The following KIFC2 variants were observed in gnomAD, a reference collection of about 807,000 sequenced individuals.
KIFC2 encodes the protein kinesin family member C2.
Under a neutral mutation model 91.5 loss-of-function variants are expected in KIFC2, and 94 were observed. The observed-to-expected ratio is 1.03, with a 90% CI of 0.87 to 1.22. The LOEUF (loss-of-function observed/expected upper bound fraction) is 1.22. Among genes scored for constraint, KIFC2 ranks in the 50% most tolerant of loss-of-function variants. KIFC2 has a pLI of 0.00. For missense variants in KIFC2, 1,357 were observed against 1,103.3 expected (o/e 1.23, Z -3.26); for synonymous variants, 729 against 503.9 (o/e 1.45, Z -5.98).
At chr8:144,471,310 T>A (rs1022539162) in intron 12 of KIFC2, among the ~76,000 whole-genome samples, 1 of 146,274 alleles carries the variant, frequency 6.8e-6, no homozygotes, top group Non-Finnish European at 1.5e-5. Flanking sequence ...TACATATATA[T>A]GTATATGTAT....
At chr8:144,470,317 T>C (rs372804912) in intron 12 of KIFC2, among the ~76,000 whole-genome samples, 3 of 152,226 alleles carry the variant, frequency 2.0e-5, no homozygotes, top group African/African-American at 7.2e-5. Flanking sequence ...CCTCTGGCCT[T>C]AGCCCCACCC....
rs1465067836 is a variant in KIFC2 at position 144,468,649 on chromosome 8, AG to A, written c.1003+1del. ...ELQQMHGQLAGLRARMASLRQ... is the reference protein window; with the variant it reads ...ELQQMHGQLAXLRARMASLRQ... ...TACAGCAGATGCATGGGCAGCTGGC[AG>A]GTAAGGGTTGGGGTTGGGGCTCATG... On this transcript the variant is annotated frameshift_variant and splice_region_variant, in exon 9 of 18. Transcript: ENST00000645548. LOFTEE classifies it high-confidence loss of function. The A allele has an allele frequency of 6.2e-7, 1 of 1,613,350 alleles. No homozygotes were observed. The highest frequency in any genetic ancestry group is 2.2e-5 in the East Asian group (1 of 44,852).
intron 12 of KIFC2, chr8:144,470,816 C>T (rs531693748): frequency 6.6e-6 from 1 of 152,280 alleles, no homozygotes; most frequent in Non-Finnish European, 1.5e-5. Flanking sequence ...GTGGCCGGCC[C>T]TCTAGGTGCA....
intron 3 of KIFC2, 38 bp from the exon 4 acceptor site, chr8:144,467,165 C>T (rs369226997): frequency 1.2e-4 from 198 of 1,612,864 alleles, no homozygotes; most frequent in Non-Finnish European, 1.6e-4. Flanking sequence ...GCCTTCCTGG[C>T]TTTCACAGCC....
intron 7 of KIFC2, 165 bp downstream of exon 7, chr8:144,468,152 C>T (rs1342587066): frequency 5.5e-6 from 6 of 1,087,638 alleles, no homozygotes; most frequent in Middle Eastern, 2.6e-4. Flanking sequence ...CTCCGTGGCC[C>T]CTCTGAGTGG....
chr8:144,468,789 C>G lies in KIFC2; in HGVS notation c.1068C>G (p.Thr356=), dbSNP rs140291243. 1.4e-3 allele frequency: 2,279 copies of G among 1,614,040 alleles called. 28 individuals are homozygous for G. The highest frequency in any genetic ancestry group is 2.4e-4 in the Non-Finnish European group (284 of 1,180,022). Residue 356 remains threonine (T), a synonymous_variant, in exon 10 of 18, where the codon ACC becomes ACG. Coordinates refer to ENST00000645548, the MANE Select transcript of KIFC2 (RefSeq NM_001369769.2). The part of the protein sequence containing the change: ...GCGDLRGLVS[T]FTQSCQGSLS... ...GGGACCTCCGAGGTTTGGTCAGCAC[C>G]TTTACCCAGAGCTGTCAGGGTTCGC...
chr8:144,472,141 C>T lies in KIFC2; in HGVS notation c.1489C>T (p.Pro497Ser), dbSNP rs770062108. 3.7e-6 allele frequency: 6 copies of T among 1,613,250 alleles called. No homozygotes were observed. In the South Asian group the frequency reaches 6.6e-5, roughly 18 times the overall value. Residue 497 changes from proline to serine, a missense_variant, in exon 14 of 18, where the codon CCT becomes TCT. Pro to Ser is a moderately conservative substitution (Grantham distance 74). Transcript: ENST00000645548. The stretch of plus-strand genomic sequence containing the variant: ...GTGCACCCCACCCCATCCTCAGGGC[C>T]CTCCTGAGGACCCCGGCATAGTTCC... ...GTGKTYSMEG[P>S]PEDPGIVPRA... is the part of the protein sequence containing the mutation.
At position 144,473,399 on chromosome 8, in the gene KIFC2, G is replaced by T. The variant is rs1268770284; in HGVS notation, c.*10G>T. The T allele has an allele frequency of 2.5e-6, 4 of 1,572,908 alleles. No homozygotes were observed. The African/African-American group carries it at 5.4e-5, about 21-fold the overall frequency. ...GGGCCTGCCCCTCTAGTCCTGGGTC[G>T]CGGCCCTGCCCATGGGGTCTCAGGC... On this transcript the variant is annotated 3_prime_UTR_variant, in exon 18 of 18. Coordinates refer to ENST00000645548, the MANE Select transcript of KIFC2 (RefSeq NM_001369769.2).
upstream of KIFC2, chr8:144,466,225 G>A (rs947797829): frequency 5.3e-6 from 1 of 189,620 alleles, no homozygotes; most frequent in Non-Finnish European, 1.1e-5. Context: ...GTGAGAAACG[G>A]CGGGTCTCCA....
chr8:144,467,155 G>A, intron 3 of KIFC2, 45 bp downstream of exon 3: 2 of 1,612,662 alleles, frequency 1.2e-6, no homozygotes, highest in Non-Finnish European at 1.7e-6. Flanking sequence ...ACCTGCCCCG[G>A]CCTTCCTGGC....
At position 144,474,051 on chromosome 8, in the gene KIFC2, T is replaced by G. The variant is rs1299952520; in HGVS notation, c.*662T>G. The G allele has an allele frequency of 5.1e-6, 3 of 593,318 alleles. No individual in the cohort carries two copies. The highest frequency in any genetic ancestry group is 3.7e-5 in the African/African-American group (2 of 53,738). 36.8% of individuals were successfully genotyped at this position (593,318 alleles called of 1,614,324 possible). A position where few individuals can be genotyped will look rare whatever the true frequency, so the allele number is the denominator to read the frequency against. ...GAAAAACAGGCATGACAGACCAGGG[T>G]GAGGGTTGTGCCCAGCTGGGCCACG... On this transcript the variant is annotated 3_prime_UTR_variant, in exon 18 of 18. Transcript: ENST00000645548.
At position 144,473,340 on chromosome 8, in the gene KIFC2, A is replaced by C. The variant is rs1329797693; in HGVS notation, c.2327A>C (p.Asp776Ala). The C allele has an allele frequency of 6.3e-7, 1 of 1,593,840 alleles. No homozygotes were observed. Among genetic ancestry groups the C allele is most frequent in the South Asian group, 1.1e-5 (1 of 88,200 alleles). The part of the protein sequence containing the change: ...SPGSPPCPSP[D>A]NGSGSALAPA... Reference sequence around the variant, plus strand: ...GGCAGTCCTCCATGCCCCAGTCCCGACAACGGCTCGGGCTCGGCTCTCGCG... The same window carrying C: ...GGCAGTCCTCCATGCCCCAGTCCCGCCAACGGCTCGGGCTCGGCTCTCGCG... Residue 776 changes from aspartate (D) to alanine (A), a missense_variant, in exon 18 of 18, where the codon GAC (aspartate) becomes GCC (alanine). Coordinates refer to ENST00000645548, the MANE Select transcript of KIFC2 (RefSeq NM_001369769.2).
Position 144,467,796 on chromosome 8 carries a change from A to C in KIFC2, c.681+17A>C. On this transcript the variant is annotated intron_variant, in intron 6 of 17. Coordinates refer to ENST00000645548, the MANE Select transcript of KIFC2 (RefSeq NM_001369769.2). ...CTGGGCGTGGTGAGGCTGCAGGGAG[A>C]CCTGGCAGGGCCGGGCATGGAGGGG... 1 of 1,613,432 alleles carries C rather than the reference A, an allele frequency of 6.2e-7. No homozygotes were observed. Among genetic ancestry groups the C allele is most frequent in the East Asian group, 2.2e-5 (1 of 44,882 alleles).
Position 144,473,641 on chromosome 8 carries a change from C to T in KIFC2, c.*252C>T. 4 of 530,598 alleles carry T rather than the reference C, an allele frequency of 7.5e-6. No homozygotes were observed. The highest frequency in any genetic ancestry group is 2.0e-5 in the African/African-American group (1 of 49,878). 32.9% of individuals were successfully genotyped at this position (530,598 alleles called of 1,614,324 possible). On this transcript the variant is annotated 3_prime_UTR_variant, in exon 18 of 18. Transcript: ENST00000645548. ...TTGGCTTTCTCCTTATCACCATTTG[C>T]TGTTATCACGGCACACAGCAGGGAA...
Position 144,467,788 on chromosome 8 carries a change from G to A in KIFC2, c.681+9G>A. 1.2e-6 allele frequency: 2 copies of A among 1,613,708 alleles called. No homozygotes were observed. The highest frequency in any genetic ancestry group is 1.1e-5 in the South Asian group (1 of 91,084). On this transcript the variant is annotated intron_variant, in intron 6 of 17. Coordinates refer to ENST00000645548, the MANE Select transcript of KIFC2 (RefSeq NM_001369769.2). ...GACTGCGCCTGGGCGTGGTGAGGCT[G>A]CAGGGAGACCTGGCAGGGCCGGGCA...
chr8:144,473,766 C>T lies in KIFC2; in HGVS notation c.*377C>T. Reference sequence around the variant, plus strand: ...TGCAAATTCCTTTACTGTTATCCCCCCCACCACCAGGACCATGTAGGGTGC... The same window carrying T: ...TGCAAATTCCTTTACTGTTATCCCCTCCACCACCAGGACCATGTAGGGTGC... On this transcript the variant is annotated 3_prime_UTR_variant, in exon 18 of 18. Coordinates refer to ENST00000645548, the MANE Select transcript of KIFC2 (RefSeq NM_001369769.2). 2.5e-6 allele frequency: 1 copy of T among 398,656 alleles called. No homozygotes were observed. Among genetic ancestry groups the T allele is most frequent in the South Asian group, 5.2e-5 (1 of 19,168 alleles). The allele number at this position is 398,656 out of a possible 1,614,324, so 24.7% of individuals were successfully genotyped here. A position where few individuals can be genotyped will look rare whatever the true frequency, so the allele number is the denominator to read the frequency against.
rs530026973 is a variant in KIFC2 at position 144,469,137 on chromosome 8, G to A, written c.1114-134G>A. On this transcript the variant is annotated intron_variant, in intron 10 of 17. Transcript: ENST00000645548. Reference sequence around the variant, plus strand: ...TCAATGATGTCCCCAGGGGCCCAGAGCCACTGAAAGTTGTGGCTTAGCACA... The same window carrying A: ...TCAATGATGTCCCCAGGGGCCCAGAACCACTGAAAGTTGTGGCTTAGCACA... 1.4e-4 allele frequency: 102 copies of A among 738,952 alleles called. No homozygotes were observed. The South Asian group carries it at 1.4e-3, about 10-fold the overall frequency. The allele number at this position is 738,952 out of a possible 1,614,324, so 45.8% of individuals were successfully genotyped here.
Position 144,467,226 on chromosome 8 carries a change from G to A in KIFC2, c.354G>A (p.Leu118=), listed in dbSNP as rs1248642000. 1 of 1,613,560 alleles carries A rather than the reference G, an allele frequency of 6.2e-7. No individual in the cohort carries two copies. Among genetic ancestry groups the A allele is most frequent in the East Asian group, 2.2e-5 (1 of 44,894 alleles). The part of the protein sequence containing the change: ...LGQSGEVPSL[L]TVTSQLLALL... Reference sequence around the variant, plus strand: ...AGTCTGGCGAGGTCCCCTCACTGTTGACAGTGACCAGTCAGCTCTTGGCCC... The same window carrying A: ...AGTCTGGCGAGGTCCCCTCACTGTTAACAGTGACCAGTCAGCTCTTGGCCC... The change falls in exon 4 of 18, where the codon TTG becomes TTA. Residue 118 remains leucine, a synonymous_variant. Transcript: ENST00000645548.
In KIFC2 at chr8:144,467,188, T is replaced by C. The variant is rs759706809; in HGVS notation, c.331-15T>C. 88 of 1,613,346 alleles carry C rather than the reference T, an allele frequency of 5.5e-5. 1 individual carries two copies. Among genetic ancestry groups the C allele is most frequent in the Admixed American group, 4.3e-4 (26 of 60,004 alleles). On this transcript the variant is annotated splice_polypyrimidine_tract_variant and intron_variant, in intron 3 of 17. Transcript: ENST00000645548. ...GGCTTTCACAGCCCTGCTCGGATTCTTGTCTCCTTCGCAGTCTGGCGAGGT... is the reference window on the plus strand; with the variant it reads ...GGCTTTCACAGCCCTGCTCGGATTCCTGTCTCCTTCGCAGTCTGGCGAGGT...
Sources: gnomAD v4.1 joint callset for allele counts (sites outside exome capture counted in the v4.1 genomes callset) on GRCh38, gnomAD v4.1.1 for gene constraint, MANE v1.5 for transcripts, NCBI Gene and HGNC (gene_info 2026-07-23, HGNC 2026-07-21) for gene names.